The following TMDD1 variants were observed in gnomAD, a reference collection of about 807,000 sequenced individuals.
TMDD1 encodes transmembrane and death domain 1.
chr12:51,814,625 C>T lies in TMDD1; in HGVS notation c.269G>A (p.Arg90Gln). 1 of 396,484 alleles carries T rather than the reference C, an allele frequency of 2.5e-6. No homozygotes were observed. The highest frequency in any genetic ancestry group is 4.5e-6 in the Non-Finnish European group (1 of 224,542). 24.6% of individuals were successfully genotyped at this position (396,484 alleles called of 1,614,324 possible). A position where few individuals can be genotyped will look rare whatever the true frequency, so the allele number is the denominator to read the frequency against. ...TSGSPSRRRR[R>Q]EAAEDPAGRV... ...GCCCGCCGGGTCCTCGGCCGCCTCT[C>T]GCCGCCGCCGCCGGCTCGGAGACCC... Residue 90 changes from arginine to glutamine, a missense_variant, in exon 1 of 1, where the codon CGA becomes CAA. By Grantham distance (43) the Arg-to-Gln change is conservative (BLOSUM62 1). Transcript: ENST00000642069.
At position 51,814,244 on chromosome 12, in the gene TMDD1, C is replaced by T; in HGVS notation, c.650G>A (p.Gly217Glu). The change falls in exon 1 of 1, where the codon GGG becomes GAG. Residue 217 changes from glycine (G) to glutamate (E), a missense_variant. By Grantham distance (98) the Gly-to-Glu change is moderately conservative. Transcript: ENST00000642069. ...GGTGAGGAGGCCGAGCGCCAGCGGC[C>T]CCGCCCAACCCATGGGGCTCCGCTC... Reference protein sequence around the residue: ...LYERSPMGWAGPLALGLLTGF... With the variant: ...LYERSPMGWAEPLALGLLTGF... 2.5e-6 allele frequency: 1 copy of T among 396,066 alleles called. No homozygotes were observed. Among genetic ancestry groups the T allele is most frequent in the Non-Finnish European group, 4.5e-6 (1 of 224,424 alleles). The allele number at this position is 396,066 out of a possible 1,614,324, so 24.5% of individuals were successfully genotyped here.
rs1353603295 is a variant in TMDD1 at position 51,814,060 on chromosome 12, G to C, written c.834C>G (p.Arg278=). The change falls in exon 1 of 1, where the codon CGC becomes CGG. Residue 278 remains arginine (R), a synonymous_variant. Coordinates refer to ENST00000642069, the MANE Select transcript of TMDD1 (RefSeq NM_001386737.1). ...CTGCAGCCCAGGCCCCCGGGGGCGCGCGCCGCTCTTTAGGAAGGAGCAGCT... is the reference window on the plus strand; with the variant it reads ...CTGCAGCCCAGGCCCCCGGGGGCGCCCGCCGCTCTTTAGGAAGGAGCAGCT... ...ETKLLLPKER[R]APPGAWAADG... 1.3e-5 allele frequency: 5 copies of C among 399,384 alleles called. No individual in the cohort carries two copies. The highest frequency in any genetic ancestry group is 2.2e-5 in the Non-Finnish European group (5 of 226,826). The allele number at this position is 399,384 out of a possible 1,614,324, so 24.7% of individuals were successfully genotyped here.
chr12:51,814,822 G>A lies in TMDD1; in HGVS notation c.72C>T (p.Ala24=). 2.5e-6 allele frequency: 1 copy of A among 398,332 alleles called. No homozygotes were observed. 24.7% of individuals were successfully genotyped at this position (398,332 alleles called of 1,614,324 possible). A position where few individuals can be genotyped will look rare whatever the true frequency, so the allele number is the denominator to read the frequency against. ...LWVWALAPAG[A]VDAMGPHAAV... ...CTGCGTGAGGGCCCATAGCGTCCAC[G>A]GCCCCCGCCGGAGCCAGCGCCCAAA... Residue 24 remains alanine, a synonymous_variant, in exon 1 of 1, where the codon GCC becomes GCT. Transcript: ENST00000642069.
chr12:51,814,829 G>A lies in TMDD1; in HGVS notation c.65C>T (p.Ala22Val). The change falls in exon 1 of 1, where the codon GCG becomes GTG. Residue 22 changes from alanine (A) to valine (V), a missense_variant. By Grantham distance (64) the Ala-to-Val change is moderately conservative. Coordinates refer to ENST00000642069, the MANE Select transcript of TMDD1 (RefSeq NM_001386737.1). Reference protein sequence around the residue: ...LTLWVWALAPAGAVDAMGPHA... With the variant: ...LTLWVWALAPVGAVDAMGPHA... The stretch of plus-strand genomic sequence containing the variant: ...AGGGCCCATAGCGTCCACGGCCCCC[G>A]CCGGAGCCAGCGCCCAAACCCAGAG... 2.5e-6 allele frequency: 1 copy of A among 398,316 alleles called. No homozygotes were observed. The highest frequency in any genetic ancestry group is 4.4e-6 in the Non-Finnish European group (1 of 225,852). 24.7% of individuals were successfully genotyped at this position (398,316 alleles called of 1,614,324 possible). A position where few individuals can be genotyped will look rare whatever the true frequency, so the allele number is the denominator to read the frequency against.
Position 51,814,155 on chromosome 12 carries a change from C to CGCCGCA in TMDD1, c.738_739insTGCGGC (p.Gly246_Gly247insCysGly). On this transcript the variant is annotated inframe_insertion, in exon 1 of 1. Coordinates refer to ENST00000642069, the MANE Select transcript of TMDD1 (RefSeq NM_001386737.1). ...CCGGGCGACGCCCGGTCGCCGTCGCCGCCAGTGATCCATAGCGTGAGCAGG... is the reference window on the plus strand; with the variant it reads ...CCGGGCGACGCCCGGTCGCCGTCGCCGCCGCAGCCAGTGATCCATAGCGTGAGCAGG... The CGCCGCA allele has an allele frequency of 5.0e-6, 2 of 397,818 alleles. No individual in the cohort carries two copies. Among genetic ancestry groups the CGCCGCA allele is most frequent in the Non-Finnish European group, 8.9e-6 (2 of 225,562 alleles). 24.6% of individuals were successfully genotyped at this position (397,818 alleles called of 1,614,324 possible).
rs1048716446 is a variant in TMDD1 at position 51,814,554 on chromosome 12, G to C, written c.340C>G (p.Leu114Val). 1.8e-5 allele frequency: 7 copies of C among 394,690 alleles called. No individual in the cohort carries two copies. Among genetic ancestry groups the C allele is most frequent in the Non-Finnish European group, 2.7e-5 (6 of 223,588 alleles). 24.4% of individuals were successfully genotyped at this position (394,690 alleles called of 1,614,324 possible). A position where few individuals can be genotyped will look rare whatever the true frequency, so the allele number is the denominator to read the frequency against. Reference sequence around the variant, plus strand: ...GCCTGGGGGGCCAGCCAGGCCGCCAGCGCCTCCCGGCAGCCGTCGGACACC... The same window carrying C: ...GCCTGGGGGGCCAGCCAGGCCGCCACCGCCTCCCGGCAGCCGTCGGACACC... ...GEVSDGCREA[L>V]AAWLAPQAAS... is the part of the protein sequence containing the mutation. The change falls in exon 1 of 1, where the codon CTG (leucine) becomes GTG (valine). Residue 114 changes from leucine (L) to valine (V), a missense_variant. Coordinates refer to ENST00000642069, the MANE Select transcript of TMDD1 (RefSeq NM_001386737.1).
rs1056920811 is a variant in TMDD1 at position 51,814,919 on chromosome 12, A to G, written c.-26T>C. ...CCCTGGCGGGAACCAGGGACCGAGG[A>G]CTGTGCGGGGACGGGGACGTGGACG... is the stretch of plus-strand genomic sequence containing the variant. On this transcript the variant is annotated 5_prime_UTR_variant, in exon 1 of 1. Coordinates refer to ENST00000642069, the MANE Select transcript of TMDD1 (RefSeq NM_001386737.1). 1 of 398,106 alleles carries G rather than the reference A, an allele frequency of 2.5e-6. No homozygotes were observed. Among genetic ancestry groups the G allele is most frequent in the Admixed American group, 4.4e-5 (1 of 22,710 alleles). The allele number at this position is 398,106 out of a possible 1,614,324, so 24.7% of individuals were successfully genotyped here. A position where few individuals can be genotyped will look rare whatever the true frequency, so the allele number is the denominator to read the frequency against.
In TMDD1 at chr12:51,814,170, G is replaced by T. The variant is rs1251141991; in HGVS notation, c.724C>A (p.Leu242Ile). 2.5e-6 allele frequency: 1 copy of T among 394,870 alleles called. No individual in the cohort carries two copies. Among genetic ancestry groups the T allele is most frequent in the African/African-American group, 2.1e-5 (1 of 47,814 alleles). 24.5% of individuals were successfully genotyped at this position (394,870 alleles called of 1,614,324 possible). A position where few individuals can be genotyped will look rare whatever the true frequency, so the allele number is the denominator to read the frequency against. ...TCGCCGTCGCCGCCAGTGATCCATAGCGTGAGCAGGACGACCAGCGCCCCG... is the reference window on the plus strand; with the variant it reads ...TCGCCGTCGCCGCCAGTGATCCATATCGTGAGCAGGACGACCAGCGCCCCG... ...GTGALVVLLTLWITGGDGDRA... is the reference protein window; with the variant it reads ...GTGALVVLLTIWITGGDGDRA... The change falls in exon 1 of 1, where the codon CTA becomes ATA. Residue 242 changes from leucine to isoleucine, a missense_variant. Coordinates refer to ENST00000642069, the MANE Select transcript of TMDD1 (RefSeq NM_001386737.1).
In TMDD1 at chr12:51,814,029, G is replaced by C; in HGVS notation, c.865C>G (p.Pro289Ala). The C allele has an allele frequency of 5.0e-6, 2 of 400,474 alleles. No individual in the cohort carries two copies. 24.8% of individuals were successfully genotyped at this position (400,474 alleles called of 1,614,324 possible). Reference sequence around the variant, plus strand: ...GCACTGTGAGGTGAGGGAGAATCTGGCCCATCTGCAGCCCAGGCCCCCGGG... The same window carrying C: ...GCACTGTGAGGTGAGGGAGAATCTGCCCCATCTGCAGCCCAGGCCCCCGGG... ...APPGAWAADG[P>A]DSPSPHSALA... Residue 289 changes from proline (P) to alanine (A), a missense_variant, in exon 1 of 1, where the codon CCA becomes GCA. Transcript: ENST00000642069.
rs199892642 is a variant in TMDD1 at position 51,813,933 on chromosome 12, T to TTAACGTTTA, written c.952_*6dup. 6.3e-3 allele frequency: 2,516 copies of TTAACGTTTA among 398,654 alleles called. 39 individuals carry two copies. Among genetic ancestry groups the TTAACGTTTA allele is most frequent in the African/African-American group, 0.039 (1,918 of 48,742 alleles). The allele number at this position is 398,654 out of a possible 1,614,324, so 24.7% of individuals were successfully genotyped here. On this transcript the variant is annotated 3_prime_UTR_variant, in exon 1 of 1. Coordinates refer to ENST00000642069, the MANE Select transcript of TMDD1 (RefSeq NM_001386737.1). ...AAACTCTCTGCTCTTTCGGTATTTCTTAACGTTTATAAACCGTCCAAAGCA... is the reference window on the plus strand; with the variant it reads ...AAACTCTCTGCTCTTTCGGTATTTCTTAACGTTTATAACGTTTATAAACCGTCCAAAGCA...
rs1939017449 is a variant in TMDD1 at position 51,814,388 on chromosome 12, G to C, written c.506C>G (p.Pro169Arg). The change falls in exon 1 of 1, where the codon CCC (proline) becomes CGC (arginine). Residue 169 changes from proline to arginine, a missense_variant. By Grantham distance (103) the Pro-to-Arg change is moderately radical. Coordinates refer to ENST00000642069, the MANE Select transcript of TMDD1 (RefSeq NM_001386737.1). ...AAAGGGCACGCGGGCGGCGGCGCCG[G>C]GCCGCGGCAGGAAGCGCTGCCCGAA... ...RKFGQRFLPR[P>R]GAAARVPFAP... 2.8e-6 allele frequency: 1 copy of C among 358,088 alleles called. No individual in the cohort carries two copies. Among genetic ancestry groups the C allele is most frequent in the Admixed American group, 4.7e-5 (1 of 21,198 alleles). The allele number at this position is 358,088 out of a possible 1,614,324, so 22.2% of individuals were successfully genotyped here.
chr12:51,814,155 C>T lies in TMDD1; in HGVS notation c.739G>A (p.Gly247Ser), dbSNP rs1027698319. ...CCGGGCGACGCCCGGTCGCCGTCGC[C>T]GCCAGTGATCCATAGCGTGAGCAGG... ...VVLLTLWITG[G>S]DGDRASPGSP... Residue 247 changes from glycine (G) to serine (S), a missense_variant, in exon 1 of 1, where the codon GGC becomes AGC. By Grantham distance (56) the Gly-to-Ser change is moderately conservative. Transcript: ENST00000642069. The T allele has an allele frequency of 5.0e-6, 2 of 397,706 alleles. No homozygotes were observed. Among genetic ancestry groups the T allele is most frequent in the Non-Finnish European group, 4.4e-6 (1 of 225,570 alleles). The allele number at this position is 397,706 out of a possible 1,614,324, so 24.6% of individuals were successfully genotyped here.
In TMDD1 at chr12:51,814,355, GC is replaced by G; in HGVS notation, c.538del (p.Ala180ProfsTer19). The G allele has an allele frequency of 2.7e-6, 1 of 367,846 alleles. No individual in the cohort carries two copies. Among genetic ancestry groups the G allele is most frequent in the Non-Finnish European group, 4.8e-6 (1 of 206,606 alleles). 22.8% of individuals were successfully genotyped at this position (367,846 alleles called of 1,614,324 possible). A position where few individuals can be genotyped will look rare whatever the true frequency, so the allele number is the denominator to read the frequency against. Reference protein sequence around the residue: ...GAAARVPFAPAPRPRRAAVPA... With the variant: ...GAAARVPFAPXPRPRRAAVPA... The stretch of plus-strand genomic sequence containing the variant: ...GACCGCGGCGCGCCGGGGGCGCGGG[GC>G]CGGGGCAAAGGGCACGCGGGCGGCG... On this transcript the variant is annotated frameshift_variant, in exon 1 of 1. Transcript: ENST00000642069. LOFTEE classifies it low-confidence loss of function (END_TRUNC).
Position 51,814,219 on chromosome 12 carries a change from G to A in TMDD1, c.675C>T (p.Thr225=), listed in dbSNP as rs1323304533. 6 of 397,058 alleles carry A rather than the reference G, an allele frequency of 1.5e-5. No homozygotes were observed. The highest frequency in any genetic ancestry group is 2.7e-5 in the Non-Finnish European group (6 of 225,134). The allele number at this position is 397,058 out of a possible 1,614,324, so 24.6% of individuals were successfully genotyped here. A position where few individuals can be genotyped will look rare whatever the true frequency, so the allele number is the denominator to read the frequency against. Residue 225 remains threonine (T), a synonymous_variant, in exon 1 of 1, where the codon ACC becomes ACT. Transcript: ENST00000642069. ...WAGPLALGLL[T]GFVGALGTGA... ...CGGTGCCCAGCGCCCCCACGAAGCCGGTGAGGAGGCCGAGCGCCAGCGGCC... is the reference window on the plus strand; with the variant it reads ...CGGTGCCCAGCGCCCCCACGAAGCCAGTGAGGAGGCCGAGCGCCAGCGGCC...
chr12:51,814,439 T>A lies in TMDD1; in HGVS notation c.455A>T (p.Gln152Leu), dbSNP rs1405399692. The change falls in exon 1 of 1, where the codon CAG (glutamine) becomes CTG (leucine). Residue 152 changes from glutamine (Q) to leucine (L), a missense_variant. Coordinates refer to ENST00000642069, the MANE Select transcript of TMDD1 (RefSeq NM_001386737.1). The stretch of plus-strand genomic sequence containing the variant: ...CTTGCGCAGCTGCAGCGTCGCCTGC[T>A]GGTGGAGGTTCTTGCCCAGCTCCCT... ...VARELGKNLH[Q>L]QATLQLRKFG... The A allele has an allele frequency of 2.7e-6, 1 of 376,058 alleles. No homozygotes were observed. Among genetic ancestry groups the A allele is most frequent in the African/African-American group, 2.1e-5 (1 of 47,552 alleles). 23.3% of individuals were successfully genotyped at this position (376,058 alleles called of 1,614,324 possible). A position where few individuals can be genotyped will look rare whatever the true frequency, so the allele number is the denominator to read the frequency against.
chr12:51,814,151 T>TCGCCGC lies in TMDD1; in HGVS notation c.737_742dup (p.Gly246_Gly247dup), dbSNP rs71092724. ...GCTGCCGGGCGACGCCCGGTCGCCG[T>TCGCCGC]CGCCGCCAGTGATCCATAGCGTGAG... On this transcript the variant is annotated inframe_insertion, in exon 1 of 1. Coordinates refer to ENST00000642069, the MANE Select transcript of TMDD1 (RefSeq NM_001386737.1). 0.87 allele frequency: 347,289 copies of TCGCCGC among 396,930 alleles called. 152,444 individuals are homozygous for TCGCCGC. Among genetic ancestry groups the TCGCCGC allele is most frequent in the East Asian group, 0.98 (27,512 of 27,932 alleles). The allele number at this position is 396,930 out of a possible 1,614,324, so 24.6% of individuals were successfully genotyped here. A position where few individuals can be genotyped will look rare whatever the true frequency, so the allele number is the denominator to read the frequency against.
rs990395703 is a variant in TMDD1 at position 51,814,874 on chromosome 12, G to A, written c.20C>T (p.Ala7Val). The part of the protein sequence containing the change: MAARTL[A>V]SALVLTLWVW... ...CCAGAGCGTGAGGACCAAGGCGCTC[G>A]CCAGAGTCCGCGCCGCCATCCCTGG... Residue 7 changes from alanine to valine, a missense_variant, in exon 1 of 1, where the codon GCG becomes GTG. By Grantham distance (64) the Ala-to-Val change is moderately conservative. Coordinates refer to ENST00000642069, the MANE Select transcript of TMDD1 (RefSeq NM_001386737.1). 1 of 398,324 alleles carries A rather than the reference G, an allele frequency of 2.5e-6. No homozygotes were observed. The highest frequency in any genetic ancestry group is 3.6e-5 in the East Asian group (1 of 28,048). The allele number at this position is 398,324 out of a possible 1,614,324, so 24.7% of individuals were successfully genotyped here.
In TMDD1 at chr12:51,814,004, G is replaced by A; in HGVS notation, c.890C>T (p.Ala297Val). 1 of 399,168 alleles carries A rather than the reference G, an allele frequency of 2.5e-6. No homozygotes were observed. The highest frequency in any genetic ancestry group is 2.1e-5 in the African/African-American group (1 of 48,772). The allele number at this position is 399,168 out of a possible 1,614,324, so 24.7% of individuals were successfully genotyped here. Residue 297 changes from alanine (A) to valine (V), a missense_variant, in exon 1 of 1, where the codon GCC becomes GTC. Coordinates refer to ENST00000642069, the MANE Select transcript of TMDD1 (RefSeq NM_001386737.1). ...DGPDSPSPHS[A>V]LALSCKMGAQ... ...TCCCATTTTACAGCTGAGGGCAAGG[G>A]CACTGTGAGGTGAGGGAGAATCTGG...
In TMDD1 at chr12:51,814,047, C is replaced by A. The variant is rs79453771; in HGVS notation, c.847G>T (p.Ala283Ser). 2.7e-4 allele frequency: 109 copies of A among 399,920 alleles called. 2 individuals carry two copies. The highest frequency in any genetic ancestry group is 2.5e-3 in the Middle Eastern group (4 of 1,596). 24.8% of individuals were successfully genotyped at this position (399,920 alleles called of 1,614,324 possible). Residue 283 changes from alanine (A) to serine (S), a missense_variant, in exon 1 of 1, where the codon GCC becomes TCC. Physicochemically the swap from Ala to Ser is moderately conservative, Grantham distance 99. Transcript: ENST00000642069. ...LPKERRAPPG[A>S]WAADGPDSPS... ...GAATCTGGCCCATCTGCAGCCCAGGCCCCCGGGGGCGCGCGCCGCTCTTTA... is the reference window on the plus strand; with the variant it reads ...GAATCTGGCCCATCTGCAGCCCAGGACCCCGGGGGCGCGCGCCGCTCTTTA...
Sources: allele counts gnomAD v4.1 joint callset, GRCh38; gene constraint gnomAD v4.1.1; transcripts MANE v1.5; gene names NCBI Gene and HGNC (gene_info 2026-07-23, HGNC 2026-07-21).